The following ZNF324 variants were observed in gnomAD, a reference collection of about 807,000 sequenced individuals.
ZNF324 encodes zinc finger protein 324.
A neutral mutation model predicts 10.3 loss-of-function variants in ZNF324; 3 were observed. That is an observed-to-expected ratio of 0.29 (90% confidence interval 0.13 to 0.75). The LOEUF (loss-of-function observed/expected upper bound fraction) is 0.75, where lower values mean the gene tolerates loss of function less well. Ranked by LOEUF, ZNF324 falls within the 30% of genes least tolerant of loss-of-function variation. ZNF324 has a pLI of 0.69. For synonymous variants in ZNF324, 430 were observed against 339.5 expected, an observed-to-expected ratio of 1.27 and a Z score of -2.93; for missense variants, 763 against 784.4, an observed-to-expected ratio of 0.97 and a Z score of 0.33.
Position 58,472,084 on chromosome 19 carries a change from C to G in ZNF324, c.1592C>G (p.Ala531Gly). 1 of 1,600,810 alleles carries G rather than the reference C, an allele frequency of 6.2e-7. No homozygotes were observed. The highest frequency in any genetic ancestry group is 8.5e-7 in the Non-Finnish European group (1 of 1,175,634). The change falls in exon 4 of 4, where the codon GCG (alanine) becomes GGG (glycine). Residue 531 changes from alanine (A) to glycine (G), a missense_variant. Physicochemically the swap from Ala to Gly is moderately conservative, Grantham distance 60. Coordinates refer to ENST00000196482, the MANE Select transcript of ZNF324 (RefSeq NM_014347.3). ...RSVAGASSEG[A>G]PAKETEPTPA... ...GTTGCCGGGGCATCATCAGAAGGTG[C>G]GCCAGCGAAGGAAACCGAGCCCACT...
Position 58,471,059 on chromosome 19 carries a change from C to T in ZNF324, c.567C>T (p.Pro189=). ...LTEHALLGRQ[P]RTPERQKPCA... is the part of the protein sequence containing the mutation. Reference sequence around the variant, plus strand: ...AGCATGCGTTGCTGGGGAGGCAGCCCAGGACGCCTGAGCGGCAGAAACCAT... The same window carrying T: ...AGCATGCGTTGCTGGGGAGGCAGCCTAGGACGCCTGAGCGGCAGAAACCAT... Residue 189 remains proline (P), a synonymous_variant, in exon 4 of 4, where the codon CCC becomes CCT. Coordinates refer to ENST00000196482, the MANE Select transcript of ZNF324 (RefSeq NM_014347.3). The T allele has an allele frequency of 6.2e-7, 1 of 1,613,928 alleles. No homozygotes were observed. Among genetic ancestry groups the T allele is most frequent in the Non-Finnish European group, 8.5e-7 (1 of 1,180,036 alleles).
intron 1 of ZNF324, chr19:58,467,465 C>T (rs1403354150): frequency 6.6e-6 from 1 of 152,230 alleles, no homozygotes; most frequent in Non-Finnish European, 1.5e-5. Flanking sequence ...CCTTTCTTCC[C>T]TCCCAGCTGC....
Position 58,472,023 on chromosome 19 carries a change from C to T in ZNF324, c.1531C>T (p.Arg511Ter). The part of the protein sequence containing the change: ...RIHTGEKTVR[R>*]SRASLHPQAR... ...CCATACCGGCGAGAAGACCGTCCGGCGATCCAGGGCCAGCCTGCACCCCCA... is the reference window on the plus strand; with the variant it reads ...CCATACCGGCGAGAAGACCGTCCGGTGATCCAGGGCCAGCCTGCACCCCCA... The change falls in exon 4 of 4, where the codon CGA (arginine) becomes TGA (stop). Residue 511 changes from arginine to a stop codon, truncating the protein, a stop_gained. Transcript: ENST00000196482. LOFTEE classifies it low-confidence loss of function (END_TRUNC). The T allele has an allele frequency of 6.2e-7, 1 of 1,607,074 alleles. No homozygotes were observed.
At chr19:58,468,250 T>G (rs1410329721) in intron 1 of ZNF324, 3 of 985,126 alleles carry the variant, frequency 3.0e-6, no homozygotes, top group South Asian at 4.7e-5. Context: ...GCCTATGAAT[T>G]GGACTGAGGA....
At chr19:58,468,094 G>A in intron 1 of ZNF324, 3 of 647,476 alleles carry the variant, frequency 4.6e-6, no homozygotes, top group Non-Finnish European at 5.8e-6. Context: ...CAGCCTGAGC[G>A]CCTGGAAGAA....
Position 58,472,246 on chromosome 19 carries a change from G to C in ZNF324, c.*92G>C, listed in dbSNP as rs559493102. 9.1e-6 allele frequency: 12 copies of C among 1,319,798 alleles called. 1 individual carries two copies. The highest frequency in any genetic ancestry group is 1.2e-5 in the Non-Finnish European group (12 of 989,510). The allele number at this position is 1,319,798 out of a possible 1,614,324, so 81.8% of individuals were successfully genotyped here. A position where few individuals can be genotyped will look rare whatever the true frequency, so the allele number is the denominator to read the frequency against. On this transcript the variant is annotated 3_prime_UTR_variant, in exon 4 of 4. Coordinates refer to ENST00000196482, the MANE Select transcript of ZNF324 (RefSeq NM_014347.3). ...AGATCCACAGCAGAGAAAAAGTCCC[G>C]TGCTTGCTAGTCAGGGACAAGGGAG...
At position 58,472,258 on chromosome 19, in the gene ZNF324, C is replaced by A; in HGVS notation, c.*104C>A. ...GAGAAAAAGTCCCGTGCTTGCTAGTCAGGGACAAGGGAGGCCCTTTGGCTG... is the reference window on the plus strand; with the variant it reads ...GAGAAAAAGTCCCGTGCTTGCTAGTAAGGGACAAGGGAGGCCCTTTGGCTG... On this transcript the variant is annotated 3_prime_UTR_variant, in exon 4 of 4. Transcript: ENST00000196482. 2 of 1,256,368 alleles carry A rather than the reference C, an allele frequency of 1.6e-6. No individual in the cohort carries two copies. The highest frequency in any genetic ancestry group is 1.6e-5 in the South Asian group (1 of 64,294). 77.8% of individuals were successfully genotyped at this position (1,256,368 alleles called of 1,614,324 possible). A position where few individuals can be genotyped will look rare whatever the true frequency, so the allele number is the denominator to read the frequency against.
rs1456085740 is a variant in ZNF324, at chr19:58,470,746, C to T, written c.254C>T (p.Thr85Ile). ...RRRNPGSWSLTEDRDVSGEWP... is the reference protein window; with the variant it reads ...RRRNPGSWSLIEDRDVSGEWP... ...CTGCCTTTAGGTTCCTGGAGTTTGA[C>T]AGAGGATAGAGATGTTTCTGGAGAA... Residue 85 changes from threonine to isoleucine, a missense_variant, in exon 4 of 4, where the codon ACA (threonine) becomes ATA (isoleucine). By Grantham distance (89) the Thr-to-Ile change is moderately conservative (BLOSUM62 -1). Around this residue, in one of 3 missense-constraint regions of ZNF324, gnomAD observed 379 missense variants for 319.4 expected, o/e 1.19. Coordinates refer to ENST00000196482, the MANE Select transcript of ZNF324 (RefSeq NM_014347.3). The T allele has an allele frequency of 1.2e-6, 2 of 1,614,210 alleles. No homozygotes were observed. The highest frequency in any genetic ancestry group is 1.3e-5 in the African/African-American group (1 of 75,058).
chr19:58,468,667 C>T (rs1490251408), intron 1 of ZNF324, among the ~76,000 whole-genome samples: 1 of 152,068 alleles, frequency 6.6e-6, no homozygotes, highest in Admixed American at 6.6e-5. Flanking sequence ...CGAGTGGACA[C>T]CTGGGGCTGC....
rs547834078 is a variant in ZNF324 at position 58,468,597 on chromosome 19, C to A, written c.-6-583C>A. On this transcript the variant is annotated intron_variant, in intron 1 of 3. Coordinates refer to ENST00000196482, the MANE Select transcript of ZNF324 (RefSeq NM_014347.3). ...AAGCCCCTGCTGGGACTCACAGTTTCTTGCTACAAGAGCAGGAAGGGTGCA... is the reference window on the plus strand; with the variant it reads ...AAGCCCCTGCTGGGACTCACAGTTTATTGCTACAAGAGCAGGAAGGGTGCA... Among the ~76,000 whole-genome samples, 5 of 152,212 alleles carry A rather than the reference C, an allele frequency of 3.3e-5. 1 individual carries two copies. In the South Asian group the frequency reaches 8.3e-4, roughly 25 times the overall value.
In ZNF324 at chr19:58,471,015, A is replaced by C. The variant is rs1328678520; in HGVS notation, c.523A>C (p.Arg175=). ...PLRPPEGVRL[R]EKTLTEHALL... is the part of the protein sequence containing the mutation. ...TAGGCCTCCCGAGGGCGTCCGGCTT[A>C]GAGAAAAGACACTCACAGAGCATGC... The change falls in exon 4 of 4, where the codon AGA becomes CGA. Residue 175 remains arginine, a synonymous_variant. Coordinates refer to ENST00000196482, the MANE Select transcript of ZNF324 (RefSeq NM_014347.3). 6.8e-6 allele frequency: 11 copies of C among 1,614,032 alleles called. No individual in the cohort carries two copies. The highest frequency in any genetic ancestry group is 9.3e-6 in the Non-Finnish European group (11 of 1,180,042).
In ZNF324 at chr19:58,471,017, A is replaced by G. The variant is rs10418774; in HGVS notation, c.525A>G (p.Arg175=). 1,614,012 of 1,614,140 alleles carry G rather than the reference A, an allele frequency of 1. 806,942 individuals carry two copies. The highest frequency in any genetic ancestry group is 1 in the Middle Eastern group (6,062 of 6,062). ...PLRPPEGVRL[R]EKTLTEHALL... The stretch of plus-strand genomic sequence containing the variant: ...GGCCTCCCGAGGGCGTCCGGCTTAG[A>G]GAAAAGACACTCACAGAGCATGCGT... The change falls in exon 4 of 4, where the codon AGA becomes AGG. Residue 175 remains arginine (R), a synonymous_variant. Transcript: ENST00000196482.
chr19:58,470,508 G>T (rs762835773), intron 3 of ZNF324: 2 of 656,500 alleles, frequency 3.0e-6, no homozygotes, highest in South Asian at 1.7e-5. Flanking sequence ...GTGTCGGGGG[G>T]CTGCCACCTT....
At chr19:58,468,854 G>A (rs1467015620) in intron 1 of ZNF324, among the ~76,000 whole-genome samples, 2 of 152,168 alleles carry the variant, frequency 1.3e-5, no homozygotes, top group South Asian at 4.1e-4. Context: ...ACCCAGGGAA[G>A]GAGGGTGAGT....
At position 58,474,137 on chromosome 19, in the gene ZNF324, A is replaced by G. The variant is rs914485584; in HGVS notation, c.*1983A>G. On this transcript the variant is annotated 3_prime_UTR_variant, in exon 4 of 4. Transcript: ENST00000196482. ...CCTCACAGGTTCCTGCAGGGAGTGG[A>G]GACACACAGAACCTAGCTCCCCTGG... is the stretch of plus-strand genomic sequence containing the variant. 1 of 152,236 alleles carries G rather than the reference A, an allele frequency of 6.6e-6. No homozygotes were observed. Among genetic ancestry groups the G allele is most frequent in the African/African-American group, 2.4e-5 (1 of 41,462 alleles). 9.4% of individuals were successfully genotyped at this position (152,236 alleles called of 1,614,324 possible).
chr19:58,471,417 G>A lies in ZNF324; in HGVS notation c.925G>A (p.Gly309Ser), dbSNP rs1281631170. ...GACGCAGCACCAGCGCATCCACAGC[G>A]GCGAGACGCCCTACGCGTGCCCCGT... ...HLTQHQRIHS[G>S]ETPYACPVCG... Residue 309 changes from glycine (G) to serine (S), a missense_variant, in exon 4 of 4, where the codon GGC becomes AGC. Around this residue, in one of 3 missense-constraint regions of ZNF324, gnomAD observed 153 missense variants for 269.0 expected, o/e 0.57. Transcript: ENST00000196482. 1 of 1,608,772 alleles carries A rather than the reference G, an allele frequency of 6.2e-7. No homozygotes were observed. The highest frequency in any genetic ancestry group is 8.5e-7 in the Non-Finnish European group (1 of 1,177,418).
At position 58,471,768 on chromosome 19, in the gene ZNF324, G is replaced by A. The variant is rs761664990; in HGVS notation, c.1276G>A (p.Ala426Thr). ...QRVHTGEKPF[A>T]CPQCGRAFSH... is the part of the protein sequence containing the mutation. ...CGTGCACACAGGCGAGAAGCCCTTC[G>A]CCTGCCCACAGTGCGGCCGCGCCTT... Residue 426 changes from alanine to threonine, a missense_variant, in exon 4 of 4, where the codon GCC becomes ACC. Transcript: ENST00000196482. 6 of 1,612,818 alleles carry A rather than the reference G, an allele frequency of 3.7e-6. No individual in the cohort carries two copies. The East Asian group carries it at 6.7e-5, about 18-fold the overall frequency.
intron 2 of ZNF324, 134 bp from the exon 3 acceptor site, chr19:58,469,594 C>A: frequency 3.7e-6 from 3 of 802,836 alleles, no homozygotes; most frequent in Non-Finnish European, 6.1e-6. Flanking sequence ...GCCCCTTGCC[C>A]TGTGCCATCT....
At position 58,467,165 on chromosome 19, in the gene ZNF324, G is replaced by C. The variant is rs575122328; in HGVS notation, c.-25G>C. The C allele has an allele frequency of 2.3e-4, 36 of 156,924 alleles. 1 individual carries two copies. The South Asian group carries it at 6.0e-3, about 26-fold the overall frequency. 9.7% of individuals were successfully genotyped at this position (156,924 alleles called of 1,614,324 possible). A position where few individuals can be genotyped will look rare whatever the true frequency, so the allele number is the denominator to read the frequency against. The stretch of plus-strand genomic sequence containing the variant: ...GGTTTCCAGGGGGTTCCTGGTGCTC[G>C]AGGCTGGCGGCGAGGAAGGTACTGG... On this transcript the variant is annotated 5_prime_UTR_variant, in exon 1 of 4. Coordinates refer to ENST00000196482, the MANE Select transcript of ZNF324 (RefSeq NM_014347.3).
Sources: gnomAD v4.1 joint callset for allele counts (sites outside exome capture counted in the v4.1 genomes callset) on GRCh38, gnomAD v4.1.1 for gene constraint, gnomAD v4.1.1 regional missense constraint, MANE v1.5 for transcripts, NCBI Gene and HGNC (gene_info 2026-07-23, HGNC 2026-07-21) for gene names.